FRMD5: variants seen among roughly 807,000 people sequenced by gnomAD.
The protein encoded by FRMD5 is FERM domain-containing protein 5.
In FRMD5, 20 loss-of-function variants were observed where a neutral mutation model predicts 69.0. That is an observed-to-expected ratio of 0.29 (90% confidence interval 0.20 to 0.42). FRMD5 has a LOEUF of 0.42. Among genes scored for constraint, FRMD5 ranks in the 10% least tolerant of loss-of-function variants. The probability of loss-of-function intolerance (pLI) is 1.00; values close to 1 mark genes in which losing one functional copy is unlikely to be tolerated. For synonymous variants in FRMD5, 271 were observed against 260.1 expected, an observed-to-expected ratio of 1.04 and a Z score of -0.40; for missense variants, 595 against 708.6, an observed-to-expected ratio of 0.84 and a Z score of 1.82.
At chr15:44,009,612 G>C (rs918176506) in intron 1 of FRMD5, among the ~76,000 whole-genome samples, 1 of 152,150 alleles carries the variant, frequency 6.6e-6, no homozygotes, top group Non-Finnish European at 1.5e-5. Context: ...CTGGGAAGTC[G>C]AGGCTGCGGT....
intron 1 of FRMD5, among the ~76,000 whole-genome samples, chr15:43,958,504 C>T (rs2090149466): frequency 2.0e-5 from 3 of 152,198 alleles, no homozygotes; most frequent in African/African-American, 4.8e-5. Flanking sequence ...ACGATCGTGG[C>T]TCATTGCAGC....
chr15:43,932,734 TAG>T (rs2089696449), intron 1 of FRMD5, among the ~76,000 whole-genome samples: 1 of 152,198 alleles, frequency 6.6e-6, no homozygotes, highest in Non-Finnish European at 1.5e-5. Flanking sequence ...CCTGTAGCAT[TAG>T]ACTCTTCCCC....
intron 1 of FRMD5, among the ~76,000 whole-genome samples, chr15:43,968,134 C>T (rs779560965): frequency 7.9e-5 from 12 of 151,782 alleles, no homozygotes; most frequent in Non-Finnish European, 1.2e-4. Flanking sequence ...AGTGTATGAA[C>T]TCCCACATAC....
intron 1 of FRMD5, among the ~76,000 whole-genome samples, chr15:43,963,319 C>G (rs998206811): frequency 6.6e-6 from 1 of 152,220 alleles, no homozygotes; most frequent in African/African-American, 2.4e-5. Flanking sequence ...CTCATCATCA[C>G]TGGCCATCAG....
intron 1 of FRMD5, among the ~76,000 whole-genome samples, chr15:44,184,329 A>G (rs1373323346): frequency 6.6e-6 from 1 of 152,236 alleles, no homozygotes; most frequent in Non-Finnish European, 1.5e-5. Context: ...AACTCTTAAC[A>G]TATAATACCA....
At position 43,920,587 on chromosome 15, in the gene FRMD5, C is replaced by G. The variant is rs2089476892; in HGVS notation, c.208-778G>C. On this transcript the variant is annotated intron_variant, in intron 2 of 13. Transcript: ENST00000417257. ...TGTGTTCCTTAATTCTACATGGGTC[C>G]TTTATAAATTTTATTATTGATGTTT... is the stretch of plus-strand genomic sequence containing the variant. 2.0e-5 allele frequency among the ~76,000 whole-genome samples: 3 copies of G among 152,086 alleles called. No homozygotes were observed. In the South Asian group the frequency reaches 6.2e-4, roughly 32 times the overall value.
intron 1 of FRMD5, among the ~76,000 whole-genome samples, chr15:43,958,457 C>T (rs1219403804): frequency 6.6e-6 from 1 of 152,212 alleles, no homozygotes; most frequent in East Asian, 1.9e-4. Flanking sequence ...CAAGGTCTCA[C>T]TCTGTCGCCC....
intron 1 of FRMD5, among the ~76,000 whole-genome samples, chr15:44,164,310 A>G (rs2077672283): frequency 6.6e-6 from 1 of 152,222 alleles, no homozygotes; most frequent in South Asian, 2.1e-4. Flanking sequence ...TATAAGAAAA[A>G]TATACTATTT....
intron 1 of FRMD5, among the ~76,000 whole-genome samples, chr15:43,971,295 C>A (rs1009171079): frequency 4.6e-5 from 7 of 151,930 alleles, no homozygotes; most frequent in African/African-American, 1.4e-4. Flanking sequence ...AAAAAATTTT[C>A]AAGGTGAAGA....
rs187007088 is a variant in FRMD5 at position 44,078,459 on chromosome 15, C to A, written c.102+116494G>T. Among the ~76,000 whole-genome samples the A allele has an allele frequency of 3.3e-5, 5 of 152,148 alleles. No homozygotes were observed. In the East Asian group the frequency reaches 9.6e-4, roughly 29 times the overall value. On this transcript the variant is annotated intron_variant, in intron 1 of 13. Transcript: ENST00000417257. ...ATAATTCACATAGAATCTCAAGAAT[C>A]CCAGAGTCAAAACAATCTTATAAAA...
At chr15:43,904,069 G>A (rs1346809819) in intron 6 of FRMD5, among the ~76,000 whole-genome samples, 2 of 152,194 alleles carry the variant, frequency 1.3e-5, no homozygotes, top group Non-Finnish European at 2.9e-5. Context: ...CCATTTGTTC[G>A]GTGTCGCCAT....
intron 13 of FRMD5, among the ~76,000 whole-genome samples, chr15:43,883,465 C>A (rs997044633): frequency 6.6e-6 from 1 of 152,130 alleles, no homozygotes; most frequent in Non-Finnish European, 1.5e-5. Context: ...ATATGCAAGT[C>A]CCCCAAAGGG....
chr15:44,003,314 C>G (rs940504142), intron 1 of FRMD5, among the ~76,000 whole-genome samples: 1 of 152,176 alleles, frequency 6.6e-6, no homozygotes, highest in African/African-American at 2.4e-5. Context: ...CTGCCTCTAC[C>G]CTTGCCCCTT....
At chr15:44,045,298 T>G (rs1490530999) in intron 1 of FRMD5, among the ~76,000 whole-genome samples, 2 of 152,242 alleles carry the variant, frequency 1.3e-5, no homozygotes, top group Non-Finnish European at 2.9e-5. Context: ...TCCTAGATAT[T>G]TTCCAATTTA....
At chr15:44,079,921 G>C (rs1443840434) in intron 1 of FRMD5, among the ~76,000 whole-genome samples, 1 of 151,908 alleles carries the variant, frequency 6.6e-6, no homozygotes, top group Non-Finnish European at 1.5e-5. Context: ...CTTATATGAG[G>C]TATCTAGAAT....
chr15:43,875,332 C>T (rs1480834440), intron 13 of FRMD5, among the ~76,000 whole-genome samples: 1 of 87,434 alleles, frequency 1.1e-5, no homozygotes, highest in Non-Finnish European at 2.1e-5. Flanking sequence ...ACCTGAGCAA[C>T]AGAGAAAGAC....
chr15:43,916,475 C>T (rs752999669), intron 4 of FRMD5, among the ~76,000 whole-genome samples: 6 of 152,164 alleles, frequency 3.9e-5, no homozygotes, highest in South Asian at 2.1e-4. Flanking sequence ...AATCTGGCAA[C>T]GAAATATTGA....
chr15:44,076,056 T>G (rs1226732697), intron 1 of FRMD5, among the ~76,000 whole-genome samples: 5 of 152,212 alleles, frequency 3.3e-5, no homozygotes, highest in Non-Finnish European at 7.3e-5. Context: ...TTGTAGATTC[T>G]GGATATTAGC....
chr15:43,987,847 A>G (rs1022466599), intron 1 of FRMD5, among the ~76,000 whole-genome samples: 1 of 152,156 alleles, frequency 6.6e-6, no homozygotes, highest in Non-Finnish European at 1.5e-5. Flanking sequence ...CACCATGCCC[A>G]ACCTATTATT....
Sources: gnomAD v4.1 joint callset for allele counts (sites outside exome capture counted in the v4.1 genomes callset) on GRCh38, gnomAD v4.1.1 for gene constraint, MANE v1.5 for transcripts, NCBI Gene and HGNC (gene_info 2026-07-23, HGNC 2026-07-21) for gene names.